Variants in MYOT observed in about 807,000 individuals in gnomAD.
MYOT encodes the protein 57 kDa cytoskeletal protein.
In MYOT, 36 loss-of-function variants were observed where a neutral mutation model predicts 58.0. The observed-to-expected ratio is 0.62, with a 90% CI of 0.48 to 0.82. MYOT has a LOEUF of 0.82. MYOT is among the 40% of genes least tolerant of loss of function. The probability of loss-of-function intolerance (pLI) is 0.00; values close to 1 mark genes in which losing one functional copy is unlikely to be tolerated. For synonymous variants in MYOT, 218 were observed against 204.6 expected, an observed-to-expected ratio of 1.07 and a Z score of -0.56; for missense variants, 505 against 592.1, an observed-to-expected ratio of 0.85 and a Z score of 1.53.
Position 137,886,864 on chromosome 5 carries a change from C to A in MYOT, c.1191C>A (p.Ser397Arg). ...CATTTCTTAAAAATTTTTATTTCAG[C>A]TTATATCAAGATAACACTGGAAGAG... is the stretch of plus-strand genomic sequence containing the variant. ...EMVQFNTDRI[S>R]LYQDNTGRVT... Residue 397 changes from serine (S) to arginine (R), a missense_variant and splice_region_variant, in exon 9 of 10, where the codon AGC (serine) becomes AGA (arginine). Coordinates refer to ENST00000239926, the MANE Select transcript of MYOT (RefSeq NM_006790.3). The A allele has an allele frequency of 6.4e-7, 1 of 1,556,186 alleles. No homozygotes were observed. Among genetic ancestry groups the A allele is most frequent in the Non-Finnish European group, 8.9e-7 (1 of 1,127,716 alleles).
In MYOT at chr5:137,867,999, G is replaced by GT. The variant is rs1280988510; in HGVS notation, c.-212+52dup. On this transcript the variant is annotated intron_variant, in intron 1 of 9. Coordinates refer to ENST00000239926, the MANE Select transcript of MYOT (RefSeq NM_006790.3). ...TACTACACTTTTAGGTCTTGTTTTT[G>GT]TTTTTTGTCCAAATCAGATGAGTGT... The GT allele has an allele frequency of 7.9e-5, 12 of 152,010 alleles. No individual in the cohort carries two copies. In the East Asian group the frequency reaches 2.3e-3, roughly 30 times the overall value. 9.4% of individuals were successfully genotyped at this position (152,010 alleles called of 1,614,324 possible).
intron 7 of MYOT, among the ~76,000 whole-genome samples, chr5:137,884,700 G>A (rs559446600): frequency 2.0e-5 from 3 of 151,948 alleles, no homozygotes; most frequent in South Asian, 2.1e-4. Context: ...CAAGTATAAC[G>A]CTAATATTCT....
chr5:137,870,160 A>G (rs1754996306), intron 1 of MYOT, among the ~76,000 whole-genome samples: 2 of 151,426 alleles, frequency 1.3e-5, no homozygotes, highest in Non-Finnish European at 1.5e-5. Flanking sequence ...AAAGAAAAAA[A>G]GAAAAATTAG....
chr5:137,871,878 A>C (rs1755062885), intron 2 of MYOT, among the ~76,000 whole-genome samples: 1 of 152,190 alleles, frequency 6.6e-6, no homozygotes, highest in Non-Finnish European at 1.5e-5. Flanking sequence ...TCAGAGAATT[A>C]AATCAGAGGC....
rs760171927 is a variant in MYOT, at chr5:137,870,684, C to G, written c.33C>G (p.Ile11Met). 6.2e-7 allele frequency: 1 copy of G among 1,614,192 alleles called. No homozygotes were observed. Among genetic ancestry groups the G allele is most frequent in the Admixed American group, 1.7e-5 (1 of 60,022 alleles). Residue 11 changes from isoleucine (I) to methionine (M), a missense_variant, in exon 2 of 10, where the codon ATC becomes ATG. By Grantham distance (10) the Ile-to-Met change is conservative (BLOSUM62 1). Coordinates refer to ENST00000239926, the MANE Select transcript of MYOT (RefSeq NM_006790.3). ...ACTACGAACGTCCAAAACACTTCAT[C>G]CAGTCCCAAAACCCATGTGGCTCCA... MFNYERPKHF[I>M]QSQNPCGSRL...
Position 137,871,325 on chromosome 5 carries a change from A to AGTTCTAAG in MYOT, c.356+319_356+326dup, listed in dbSNP as rs1301257861. Among the ~76,000 whole-genome samples the AGTTCTAAG allele has an allele frequency of 2.0e-5, 3 of 152,210 alleles. No individual in the cohort carries two copies. The East Asian group carries it at 5.8e-4, about 29-fold the overall frequency. On this transcript the variant is annotated intron_variant, in intron 2 of 9. Coordinates refer to ENST00000239926, the MANE Select transcript of MYOT (RefSeq NM_006790.3). The stretch of plus-strand genomic sequence containing the variant: ...CCAAAGAACAATGAACTTTTCCTTT[A>AGTTCTAAG]GTTCTAAGCTAAGCTCCTCATGCTG...
chr5:137,873,477 C>T (rs1254377427), intron 2 of MYOT, among the ~76,000 whole-genome samples: 2 of 151,406 alleles, frequency 1.3e-5, no homozygotes, highest in Non-Finnish European at 2.9e-5. Context: ...TAGAGAGAGG[C>T]AGAGGTTGCA....
chr5:137,886,614 C>T (rs958788968), intron 8 of MYOT: 3 of 533,198 alleles, frequency 5.6e-6, no homozygotes, highest in Non-Finnish European at 1.0e-5. Context: ...CCTATACATA[C>T]GCATAAATAC....
At chr5:137,877,821 A>G (rs1224996942) in intron 4 of MYOT, among the ~76,000 whole-genome samples, 200 bp downstream of exon 4, 1 of 152,218 alleles carries the variant, frequency 6.6e-6, no homozygotes, top group East Asian at 1.9e-4. Context: ...TAATACCTGG[A>G]TACACAACGT....
At chr5:137,873,821 T>C (rs1217039348) in intron 2 of MYOT, among the ~76,000 whole-genome samples, 1 of 152,184 alleles carries the variant, frequency 6.6e-6, no homozygotes, top group African/African-American at 2.4e-5. Context: ...AAATCACTCA[T>C]TCACTCAACT....
chr5:137,871,015 A>C lies in MYOT; in HGVS notation c.356+8A>C, dbSNP rs1248264485. ...TTCCGCTATGGATTCCAAGTAAGTGAATTTTTATATACCGCATGTACAGTG... is the reference window on the plus strand; with the variant it reads ...TTCCGCTATGGATTCCAAGTAAGTGCATTTTTATATACCGCATGTACAGTG... On this transcript the variant is annotated splice_region_variant and intron_variant, in intron 2 of 9. Transcript: ENST00000239926. 1 of 1,606,360 alleles carries C rather than the reference A, an allele frequency of 6.2e-7. No homozygotes were observed. Among genetic ancestry groups the C allele is most frequent in the Non-Finnish European group, 8.5e-7 (1 of 1,173,368 alleles).
chr5:137,886,284 A>G, intron 8 of MYOT, 71 bp downstream of exon 8: 1 of 1,109,468 alleles, frequency 9.0e-7, no homozygotes, highest in African/African-American at 1.5e-5. Flanking sequence ...AACATGCATT[A>G]TAAATGGCAT....
intron 7 of MYOT, among the ~76,000 whole-genome samples, chr5:137,885,710 T>G (rs1292909554): frequency 7.3e-6 from 1 of 137,072 alleles, no homozygotes; most frequent in African/African-American, 2.8e-5. Context: ...AGGCGGAGGT[T>G]GCAGTGAACC....
chr5:137,886,833 T>C, intron 8 of MYOT, 31 bp from the exon 9 acceptor site: 1 of 1,451,022 alleles, frequency 6.9e-7, no homozygotes. Flanking sequence ...ATAATTCCTG[T>C]ACTTTCATTT....
chr5:137,881,901 T>A, intron 5 of MYOT, 72 bp from the exon 6 acceptor site: 1 of 1,563,034 alleles, frequency 6.4e-7, no homozygotes, highest in Non-Finnish European at 8.8e-7. Flanking sequence ...AATTGATGGC[T>A]AAACTATATT....
chr5:137,883,157 T>C, intron 6 of MYOT: 1 of 519,094 alleles, frequency 1.9e-6, no homozygotes, highest in Non-Finnish European at 3.5e-6. Flanking sequence ...TGAGGTTGCA[T>C]GTAAAAGAGT....
chr5:137,874,065 G>C (rs1046880832), intron 2 of MYOT, among the ~76,000 whole-genome samples: 1 of 152,196 alleles, frequency 6.6e-6, no homozygotes, highest in Non-Finnish European at 1.5e-5. Context: ...TCAGAGAAGA[G>C]ACCAAGATTG....
rs761266355 is a variant in MYOT, at chr5:137,880,802, G to A, written c.634-14G>A. On this transcript the variant is annotated splice_polypyrimidine_tract_variant and intron_variant, in intron 4 of 9. Coordinates refer to ENST00000239926, the MANE Select transcript of MYOT (RefSeq NM_006790.3). Reference sequence around the variant, plus strand: ...AATTGCATGTAAACATTCTTACTTTGTTTTAATTTCAAGCAACACAACTCA... The same window carrying A: ...AATTGCATGTAAACATTCTTACTTTATTTTAATTTCAAGCAACACAACTCA... The A allele has an allele frequency of 1.2e-6, 2 of 1,606,388 alleles. No individual in the cohort carries two copies. Among genetic ancestry groups the A allele is most frequent in the Non-Finnish European group, 1.7e-6 (2 of 1,173,198 alleles).
At chr5:137,881,879 T>C (rs982165851) in intron 5 of MYOT, 94 bp from the exon 6 acceptor site, 13 of 1,418,832 alleles carry the variant, frequency 9.2e-6, no homozygotes, top group Admixed American at 5.2e-5. Context: ...TGAAACTCCA[T>C]TGAAAAAAAA....
Sources: allele counts gnomAD v4.1 joint callset (sites outside exome capture counted in the v4.1 genomes callset), GRCh38; gene constraint gnomAD v4.1.1; transcripts MANE v1.5; gene names NCBI Gene and HGNC (gene_info 2026-07-23, HGNC 2026-07-21).